The following XRN1 variants were observed in gnomAD, a reference collection of about 807,000 sequenced individuals.
The protein encoded by XRN1 is strand-exchange protein 1 homolog.
In XRN1, 67 loss-of-function variants were observed where a neutral mutation model predicts 222.3. The ratio of observed to expected loss-of-function variants is 0.30; its 90% confidence interval spans 0.25 to 0.37. The LOEUF (loss-of-function observed/expected upper bound fraction) is 0.37. XRN1 is among the 10% of genes least tolerant of loss of function. XRN1 has a pLI of 1.00. For synonymous variants in XRN1, 643 were observed against 652.4 expected, an observed-to-expected ratio of 0.99 and a Z score of 0.22; for missense variants, 1,707 against 2,000.2, an observed-to-expected ratio of 0.85 and a Z score of 2.80.
intron 32 of XRN1, among the ~76,000 whole-genome samples, chr3:142,354,621 G>T (rs989057624): frequency 6.6e-6 from 1 of 152,120 alleles, no homozygotes; most frequent in Non-Finnish European, 1.5e-5. Context: ...GAAATGGGGC[G>T]ATCTTGGCTC....
intron 2 of XRN1, 44 bp from the exon 3 acceptor site, chr3:142,426,885 A>G (rs1304789031): frequency 1.8e-5 from 28 of 1,537,094 alleles, no homozygotes; most frequent in Non-Finnish European, 2.3e-5. Flanking sequence ...TTCTGAAAAA[A>G]AGTGAAGATC....
At chr3:142,372,085 GTAAGA>G (rs1488847675) in intron 25 of XRN1, among the ~76,000 whole-genome samples, 2 of 152,122 alleles carry the variant, frequency 1.3e-5, no homozygotes, top group Non-Finnish European at 1.5e-5. Context: ...GTGAGGTTTA[GTAAGA>G]TTTAAAGTTT....
intron 33 of XRN1, among the ~76,000 whole-genome samples, chr3:142,346,055 C>T (rs1300227050): frequency 6.6e-6 from 1 of 152,202 alleles, no homozygotes; most frequent in East Asian, 1.9e-4. Context: ...GAACTGAAAA[C>T]ATATGTTCAC....
chr3:142,336,992 A>T (rs1275144956), intron 33 of XRN1, among the ~76,000 whole-genome samples: 2 of 152,176 alleles, frequency 1.3e-5, no homozygotes, highest in East Asian at 3.8e-4. Context: ...ACTGAACCAA[A>T]GTTAAAAACC....
rs572508253 is a variant in XRN1 at position 142,315,705 on chromosome 3, C to T, written c.4621+2887G>A. ...AGAATTTTCGTATTTTTAGTAGAGACGGTTTCACCATGTTGGTTAGGCTGG... is the reference window on the plus strand; with the variant it reads ...AGAATTTTCGTATTTTTAGTAGAGATGGTTTCACCATGTTGGTTAGGCTGG... On this transcript the variant is annotated intron_variant, in intron 39 of 40. Coordinates refer to ENST00000392981, the MANE Select transcript of XRN1 (RefSeq NM_001282857.2). Among the ~76,000 whole-genome samples the T allele has an allele frequency of 3.3e-5, 5 of 151,728 alleles. No individual in the cohort carries two copies. In the South Asian group the frequency reaches 6.3e-4, roughly 19 times the overall value.
chr3:142,358,386 T>C (rs922324548), intron 30 of XRN1, among the ~76,000 whole-genome samples: 1 of 152,198 alleles, frequency 6.6e-6, no homozygotes, highest in African/African-American at 2.4e-5. Flanking sequence ...TTTTTTCTCT[T>C]TGAGAGTATA....
At chr3:142,370,443 T>C (rs954007250) in intron 27 of XRN1, 42 bp downstream of exon 27, 23 of 1,578,186 alleles carry the variant, frequency 1.5e-5, no homozygotes, top group Non-Finnish European at 1.9e-5. Flanking sequence ...GTCCATTTAA[T>C]TCCAAATCTC....
intron 18 of XRN1, among the ~76,000 whole-genome samples, chr3:142,402,342 T>C (rs7613664): frequency 0.63 from 94,861 of 151,748 alleles, 31,211 homozygotes; most frequent in African/African-American, 0.85. Flanking sequence ...ACCACCAAGT[T>C]TGGCTAATTT....
chr3:142,332,510 T>C lies in XRN1; in HGVS notation c.4087A>G (p.Ile1363Val), dbSNP rs1175449720. ...GTGTTAGAGCCATCAATTTTTAGAA[T>C]TTCTTTAAGCATCCGTGTTCCCTTC... ...AMKGTRMLKEILKIDGSNTVD... is the reference protein window; with the variant it reads ...AMKGTRMLKEVLKIDGSNTVD... The change falls in exon 36 of 41, where the codon ATT becomes GTT. Residue 1363 changes from isoleucine to valine, a missense_variant. Ile to Val is a conservative substitution (Grantham distance 29). This residue lies in a region of XRN1 where 473 missense variants were observed against 482.0 expected (regional missense o/e 0.98). Transcript: ENST00000392981. 6.2e-7 allele frequency: 1 copy of C among 1,611,196 alleles called. No homozygotes were observed. Among genetic ancestry groups the C allele is most frequent in the Non-Finnish European group, 8.5e-7 (1 of 1,178,920 alleles).
At chr3:142,370,361 T>C in intron 27 of XRN1, 124 bp downstream of exon 27, 3 of 1,208,874 alleles carry the variant, frequency 2.5e-6, no homozygotes, top group Non-Finnish European at 3.4e-6. Flanking sequence ...ACAGGATTAT[T>C]TGATACTAAT....
rs1289067935 is a variant in XRN1, at chr3:142,418,741, GTAA to G, written c.1240+71_1240+73del. The G allele has an allele frequency of 5.9e-6, 9 of 1,534,088 alleles. No homozygotes were observed. The African/African-American group carries it at 8.3e-5, about 14-fold the overall frequency. On this transcript the variant is annotated intron_variant, in intron 11 of 40. Transcript: ENST00000392981. ...CAGAAATCTGTTCCACCCAAAATTA[GTAA>G]TAATAAATAAAAGGTATAACAATTA...
In XRN1 at chr3:142,432,734, T is replaced by C. The variant is rs770861862; in HGVS notation, c.235A>G (p.Lys79Glu). 15 of 1,613,472 alleles carry C rather than the reference T, an allele frequency of 9.3e-6. No individual in the cohort carries two copies. The highest frequency in any genetic ancestry group is 5.0e-5 in the Admixed American group (3 of 59,962). The change falls in exon 2 of 41, where the codon AAA (lysine) becomes GAA (glutamate). Residue 79 changes from lysine (K) to glutamate (E), a missense_variant. This residue lies in a region of XRN1 where 1,234 missense variants were observed against 1,518.2 expected (regional missense o/e 0.81). Transcript: ENST00000392981. ...CCATCTACAGCCATAAAGAACACTT[T>C]CCTGGGTTTAATAATGCGAAACAAC... is the stretch of plus-strand genomic sequence containing the variant. ...EVLFRIIKPRKVFFMAVDGVA... is the reference protein window; with the variant it reads ...EVLFRIIKPREVFFMAVDGVA...
Position 142,310,092 on chromosome 3 carries a change from C to T in XRN1, c.*1419G>A, listed in dbSNP as rs1253468846. The T allele has an allele frequency of 2.6e-5, 4 of 152,552 alleles. No individual in the cohort carries two copies. Among genetic ancestry groups the T allele is most frequent in the African/African-American group, 9.7e-5 (4 of 41,410 alleles). 9.4% of individuals were successfully genotyped at this position (152,552 alleles called of 1,614,324 possible). ...AAGGCACTGCTAATACACAAATATC[C>T]TGCTAACATTTAAACTCTGAAATCA... is the stretch of plus-strand genomic sequence containing the variant. On this transcript the variant is annotated 3_prime_UTR_variant, in exon 41 of 41. Transcript: ENST00000392981.
At chr3:142,405,106 C>T (rs776286408) in intron 15 of XRN1, 30 bp from the exon 16 acceptor site, 6 of 1,599,682 alleles carry the variant, frequency 3.8e-6, no homozygotes, top group Non-Finnish European at 5.1e-6. Context: ...AGAAGGGTTA[C>T]AAGCATAAAA....
intron 14 of XRN1, among the ~76,000 whole-genome samples, chr3:142,413,436 G>A (rs1201553936): frequency 6.6e-6 from 1 of 152,106 alleles, no homozygotes; most frequent in African/African-American, 2.4e-5. Context: ...ACAGTTTAAG[G>A]TTCAGAAAGA....
chr3:142,318,525 T>C, intron 39 of XRN1, 67 bp downstream of exon 39: 1 of 1,384,142 alleles, frequency 7.2e-7, no homozygotes, highest in Non-Finnish European at 1.0e-6. Flanking sequence ...ACATTCTTGA[T>C]TTCTTAAAAG....
intron 2 of XRN1, among the ~76,000 whole-genome samples, chr3:142,427,795 C>A (rs2069323421): frequency 6.6e-6 from 1 of 152,202 alleles, no homozygotes; most frequent in African/African-American, 2.4e-5. Flanking sequence ...CACCCCTTTG[C>A]AGCGTACCAG....
At position 142,432,699 on chromosome 3, in the gene XRN1, A is replaced by G. The variant is rs1027521611; in HGVS notation, c.270T>C (p.Pro90=). ...CACGCTGCTGGTTCATTTTTGCTCG[A>G]GGAGCCACACCATCTACAGCCATAA... is the stretch of plus-strand genomic sequence containing the variant. ...VFFMAVDGVA[P]RAKMNQQRGR... is the part of the protein sequence containing the mutation. The change falls in exon 2 of 41, where the codon CCT becomes CCC. Residue 90 remains proline, a synonymous_variant. Coordinates refer to ENST00000392981, the MANE Select transcript of XRN1 (RefSeq NM_001282857.2). 2 of 1,611,356 alleles carry G rather than the reference A, an allele frequency of 1.2e-6. No homozygotes were observed. Among genetic ancestry groups the G allele is most frequent in the Non-Finnish European group, 1.7e-6 (2 of 1,178,576 alleles).
At chr3:142,348,860 G>A (rs758151888) in intron 32 of XRN1, among the ~76,000 whole-genome samples, 5 of 152,008 alleles carry the variant, frequency 3.3e-5, no homozygotes, top group Admixed American at 1.3e-4. Flanking sequence ...GGCTGGTGTC[G>A]AACTCCTGGG....
Sources: allele counts gnomAD v4.1 joint callset (sites outside exome capture counted in the v4.1 genomes callset), GRCh38; gene constraint gnomAD v4.1.1; regional missense constraint gnomAD v4.1.1; transcripts MANE v1.5; gene names NCBI Gene and HGNC (gene_info 2026-07-23, HGNC 2026-07-21).